PCDHA4: variants seen among roughly 807,000 people sequenced by gnomAD.
PCDHA4 encodes protocadherin alpha-4.
In PCDHA4, 49 loss-of-function variants were observed where a neutral mutation model predicts 61.4. That is an observed-to-expected ratio of 0.80 (90% confidence interval 0.63 to 1.01). The LOEUF is 1.01. Among genes scored for constraint, PCDHA4 ranks in the 50% least tolerant of loss-of-function variants. The pLI is 0.00. For missense variants in PCDHA4, 1,254 were observed against 1,235.8 expected, an observed-to-expected ratio of 1.01 and a Z score of -0.22; for synonymous variants, 590 against 550.3, an observed-to-expected ratio of 1.07 and a Z score of -1.01.
intron 1 of PCDHA4, chr5:140,884,203 C>G (rs554797854): frequency 6.2e-7 from 1 of 1,613,518 alleles, no homozygotes; most frequent in African/African-American, 1.3e-5. Context: ...CGCCGCACCA[C>G]CGCCTTCTGG....
chr5:140,975,099 A>G (rs540357854), intron 1 of PCDHA4, among the ~76,000 whole-genome samples: 1 of 152,152 alleles, frequency 6.6e-6, no homozygotes, highest in Non-Finnish European at 1.5e-5. Flanking sequence ...TTGTTTGGGG[A>G]CTGAGATCTC....
intron 1 of PCDHA4, among the ~76,000 whole-genome samples, chr5:140,846,656 G>C (rs1291638062): frequency 6.7e-6 from 1 of 149,228 alleles, no homozygotes; most frequent in East Asian, 1.9e-4. Context: ...TTACAGGCAT[G>C]AGCCACCGCG....
intron 1 of PCDHA4, among the ~76,000 whole-genome samples, chr5:140,906,677 A>C (rs1239152358): frequency 6.6e-6 from 1 of 152,134 alleles, no homozygotes; most frequent in Admixed American, 6.5e-5. Context: ...CCAAACCTTC[A>C]TTCCTGAAGG....
intron 1 of PCDHA4, among the ~76,000 whole-genome samples, chr5:140,920,659 C>T (rs1325541731): frequency 1.3e-5 from 2 of 152,098 alleles, no homozygotes; most frequent in East Asian, 3.9e-4. Flanking sequence ...TCCTTGCCAA[C>T]ATGGTGAAAC....
rs781889029 is a variant in PCDHA4 at position 140,870,331 on chromosome 5, AGCGCCCTGGACC to A, written c.2385+60763_2385+60774del. The A allele has an allele frequency of 4.3e-6, 7 of 1,614,160 alleles. No homozygotes were observed. The South Asian group carries it at 7.7e-5, about 18-fold the overall frequency. Reference sequence around the variant, plus strand: ...GAATTACTACTCGTTGGTGCTGGACAGCGCCCTGGACCGCGAGAACGTGTGGGCCTATGAACT... The same window carrying A: ...GAATTACTACTCGTTGGTGCTGGACAGCGAGAACGTGTGGGCCTATGAACT... On this transcript the variant is annotated intron_variant, in intron 1 of 3. Coordinates refer to ENST00000530339, the MANE Select transcript of PCDHA4 (RefSeq NM_018907.4).
At chr5:140,962,223 A>G (rs951247075) in intron 1 of PCDHA4, among the ~76,000 whole-genome samples, 8 of 152,160 alleles carry the variant, frequency 5.3e-5, no homozygotes, top group Admixed American at 3.9e-4. Flanking sequence ...CTTGAGGTTC[A>G]AGTTTCACTT....
At chr5:140,910,311 A>G (rs928675389) in intron 1 of PCDHA4, among the ~76,000 whole-genome samples, 4 of 152,224 alleles carry the variant, frequency 2.6e-5, no homozygotes, top group African/African-American at 9.6e-5. Context: ...AGAGATCTAC[A>G]TGAGTCAGAC....
chr5:140,890,319 A>C (rs2062592452), intron 1 of PCDHA4, among the ~76,000 whole-genome samples: 1 of 152,206 alleles, frequency 6.6e-6, no homozygotes, highest in Admixed American at 6.5e-5. Context: ...AGTTGTTTTA[A>C]GATATTAGGT....
At chr5:140,967,298 G>A in intron 1 of PCDHA4, 1 of 1,612,692 alleles carries the variant, frequency 6.2e-7, no homozygotes, top group Non-Finnish European at 8.5e-7. Flanking sequence ...CCCCGACGTG[G>A]GCGCCAACTC....
Position 140,822,585 on chromosome 5 carries a change from G to A in PCDHA4, c.2385+13013G>A, listed in dbSNP as rs2150117508. 1.4e-5 allele frequency: 22 copies of A among 1,612,046 alleles called. No individual in the cohort carries two copies. The East Asian group carries it at 3.8e-4, about 28-fold the overall frequency. ...AACTGAACGCCTCAGATGCAGATGA[G>A]GGCATCAATAAGGAAATAGTGTATT... On this transcript the variant is annotated intron_variant, in intron 1 of 3. Coordinates refer to ENST00000530339, the MANE Select transcript of PCDHA4 (RefSeq NM_018907.4).
chr5:140,841,934 G>T lies in PCDHA4; in HGVS notation c.2385+32362G>T, dbSNP rs1281777181. 5 of 1,613,780 alleles carry T rather than the reference G, an allele frequency of 3.1e-6. No individual in the cohort carries two copies. In the African/African-American group the frequency reaches 6.7e-5, roughly 22 times the overall value. ...AAGAAAATCCTTGGACAGAGAGGAC[G>T]CTCCTGCGCACCACTTATTCCTGAC... On this transcript the variant is annotated intron_variant, in intron 1 of 3. Transcript: ENST00000530339.
intron 1 of PCDHA4, chr5:140,869,690 T>A (rs902099652): frequency 6.2e-7 from 1 of 1,613,456 alleles, no homozygotes. Context: ...TCACTTATTT[T>A]AAAGAAGTCT....
intron 1 of PCDHA4, among the ~76,000 whole-genome samples, chr5:140,937,247 C>T (rs1370735573): frequency 6.6e-6 from 1 of 151,974 alleles, no homozygotes; most frequent in Non-Finnish European, 1.5e-5. Context: ...CCGTGTTAGC[C>T]AGGATGGTCT....
rs182605806 is a variant in PCDHA4 at position 140,924,980 on chromosome 5, T to C, written c.2386-53969T>C. On this transcript the variant is annotated intron_variant, in intron 1 of 3. Transcript: ENST00000530339. ...TGCAAGGTGAGTGCAGTGGCTCATG[T>C]CTGTAATCCTAGCACTTTAGGAGGC... is the stretch of plus-strand genomic sequence containing the variant. Among the ~76,000 whole-genome samples, 408 of 150,900 alleles carry C rather than the reference T, an allele frequency of 2.7e-3. 2 individuals are homozygous for C. The highest frequency in any genetic ancestry group is 0.014 in the Middle Eastern group (4 of 288).
In PCDHA4 at chr5:140,843,412, C is replaced by G. The variant is rs2150359416; in HGVS notation, c.2385+33840C>G. On this transcript the variant is annotated intron_variant, in intron 1 of 3. Transcript: ENST00000530339. ...CGGAAGCGGCGCTGGTGGATGTCAA[C>G]GTGTACCTGATCATCGCCATCTGCG... is the stretch of plus-strand genomic sequence containing the variant. 36 of 1,595,950 alleles carry G rather than the reference C, an allele frequency of 2.3e-5. 4 individuals carry two copies. The highest frequency in any genetic ancestry group is 6.6e-5 in the South Asian group (6 of 90,510).
At chr5:140,867,399 A>C (rs1001723593) in intron 1 of PCDHA4, 2 of 152,166 alleles carry the variant, frequency 1.3e-5, no homozygotes, top group African/African-American at 4.8e-5. Flanking sequence ...AAAAGTTGAT[A>C]TGTCTCCTTT....
intron 1 of PCDHA4, chr5:140,870,819 G>T: frequency 3.1e-6 from 5 of 1,613,714 alleles, no homozygotes; most frequent in Non-Finnish European, 4.2e-6. Context: ...CTGGCAGCGC[G>T]GGAGGCGCAG....
chr5:140,927,293 C>T (rs782386645), intron 1 of PCDHA4: 5 of 1,614,176 alleles, frequency 3.1e-6, no homozygotes, highest in Non-Finnish European at 3.4e-6. Flanking sequence ...CTGCACATCC[C>T]CGAGTTCCTG....
At chr5:140,958,652 G>A (rs991773774) in intron 1 of PCDHA4, among the ~76,000 whole-genome samples, 15 of 152,030 alleles carry the variant, frequency 9.9e-5, no homozygotes, top group Admixed American at 2.6e-4. Flanking sequence ...ATCACAGAAA[G>A]CTATGATGAA....
Sources: gnomAD v4.1 joint callset for allele counts (sites outside exome capture counted in the v4.1 genomes callset) on GRCh38, gnomAD v4.1.1 for gene constraint, MANE v1.5 for transcripts, NCBI Gene and HGNC (gene_info 2026-07-23, HGNC 2026-07-21) for gene names.